Variants in C19orf33 observed in about 807,000 individuals in gnomAD.
C19orf33 encodes the protein chromosome 19 open reading frame 33, also known as immortalization up-regulated protein.
A neutral mutation model predicts 9.7 loss-of-function variants in C19orf33; 9 were observed. The observed-to-expected ratio is 0.93, with a 90% CI of 0.56 to 1.61. C19orf33 has a LOEUF of 1.61. Among genes scored for constraint, C19orf33 ranks in the 40% most tolerant of loss-of-function variants. C19orf33 has a pLI of 0.00. For missense variants in C19orf33, 145 were observed against 137.9 expected (o/e 1.05, Z -0.26); for synonymous variants, 61 against 54.8 (o/e 1.11, Z -0.50).
At position 38,304,738 on chromosome 19, in the gene C19orf33, G is replaced by A. The variant is rs779730721; in HGVS notation, c.201+52G>A. ...AGCACGTGCCCTGCACCCCAGAGAG[G>A]CGTCCCCGCACTGGGGCTGGCGGGG... On this transcript the variant is annotated intron_variant, in intron 3 of 3. Coordinates refer to ENST00000301246, the MANE Select transcript of C19orf33 (RefSeq NM_033520.3). 2.5e-6 allele frequency: 4 copies of A among 1,612,718 alleles called. No individual in the cohort carries two copies. In the Admixed American group the frequency reaches 5.0e-5, roughly 20 times the overall value.
chr19:38,304,639 T>A lies in C19orf33; in HGVS notation c.154T>A (p.Ser52Thr). The A allele has an allele frequency of 1.9e-6, 3 of 1,613,402 alleles. No individual in the cohort carries two copies. The highest frequency in any genetic ancestry group is 2.5e-6 in the Non-Finnish European group (3 of 1,179,934). ...CTCCATCCAGCAAGGACACCACAGC[T>A]CTTCCGACTCCAGCAGCAGCTCCAG... ...GPGPKQGHHS[S>T]SDSSSSSSDS... Residue 52 changes from serine to threonine, a missense_variant, in exon 3 of 4, where the codon TCT becomes ACT. Physicochemically the swap from Ser to Thr is moderately conservative, Grantham distance 58 (BLOSUM62 1). Coordinates refer to ENST00000301246, the MANE Select transcript of C19orf33 (RefSeq NM_033520.3).
rs1568350802 is a variant in C19orf33, at chr19:38,304,940, C to T, written c.297C>T (p.Gly99=). Residue 99 remains glycine (G), a synonymous_variant, in exon 4 of 4, where the codon GGC becomes GGT. Coordinates refer to ENST00000301246, the MANE Select transcript of C19orf33 (RefSeq NM_033520.3). The stretch of plus-strand genomic sequence containing the variant: ...AGGAGAAGGGCAAGAAGGAGAAGGG[C>T]AAGAAGAAGGAGGCTCCCCACTGAA... The part of the protein sequence containing the change: ...KKKEKGKKEK[G]KKKEAPH 1 of 1,610,676 alleles carries T rather than the reference C, an allele frequency of 6.2e-7. No individual in the cohort carries two copies. The highest frequency in any genetic ancestry group is 8.5e-7 in the Non-Finnish European group (1 of 1,178,926).
chr19:38,304,434 C>T lies in C19orf33; in HGVS notation c.82C>T (p.Leu28Phe), dbSNP rs1320654604. ...VGAGHGGDPK[L>F]SPHKVQGRSE... ...GGCGGGCCACGGGGGAGATCCCAAG[C>T]TCAGTCCCCACAAAGTTCAGGGCCG... is the stretch of plus-strand genomic sequence containing the variant. Residue 28 changes from leucine (L) to phenylalanine (F), a missense_variant, in exon 2 of 4, where the codon CTC becomes TTC. Physicochemically the swap from Leu to Phe is conservative, Grantham distance 22. Transcript: ENST00000301246. 6.4e-7 allele frequency: 1 copy of T among 1,560,000 alleles called. No individual in the cohort carries two copies. The highest frequency in any genetic ancestry group is 1.2e-5 in the South Asian group (1 of 85,136).
Position 38,304,294 on chromosome 19 carries a change from G to A in C19orf33, c.22+11G>A. On this transcript the variant is annotated intron_variant, in intron 1 of 3. Coordinates refer to ENST00000301246, the MANE Select transcript of C19orf33 (RefSeq NM_033520.3). ...TCGACCTGGGAGCAGGTGAGCTCCT[G>A]GGGAGTGTGGACTGGAGGTGCAGGG... is the stretch of plus-strand genomic sequence containing the variant. 3 of 1,613,704 alleles carry A rather than the reference G, an allele frequency of 1.9e-6. No homozygotes were observed. The highest frequency in any genetic ancestry group is 2.5e-6 in the Non-Finnish European group (3 of 1,180,020).
intron 1 of C19orf33, 22 bp downstream of exon 1, chr19:38,304,305 A>G (rs749494978): frequency 6.2e-7 from 1 of 1,613,568 alleles, no homozygotes; most frequent in Non-Finnish European, 8.5e-7. Context: ...GGGAGTGTGG[A>G]CTGGAGGTGC....
intron 2 of C19orf33, 21 bp downstream of exon 2, chr19:38,304,511 C>T (rs1968897919): frequency 1.9e-6 from 3 of 1,563,656 alleles, no homozygotes; most frequent in Admixed American, 3.9e-5. Flanking sequence ...TCATCACCGG[C>T]TGCGGAGGGG....
At position 38,304,992 on chromosome 19, in the gene C19orf33, T is replaced by C. The variant is rs1968938966; in HGVS notation, c.*28T>C. The C allele has an allele frequency of 1.3e-6, 2 of 1,573,242 alleles. No homozygotes were observed. The highest frequency in any genetic ancestry group is 1.9e-5 in the Admixed American group (1 of 53,080). On this transcript the variant is annotated 3_prime_UTR_variant, in exon 4 of 4. Transcript: ENST00000301246. The stretch of plus-strand genomic sequence containing the variant: ...GGCCCTGGACAGGGCTCATTAAACC[T>C]TCCTCTCTGCCTTCTGCGACTGGTC...
At chr19:38,304,316 A>C (rs371088164) in intron 1 of C19orf33, 33 bp downstream of exon 1, 25 of 1,613,226 alleles carry the variant, frequency 1.5e-5, no homozygotes, top group Non-Finnish European at 2.1e-5. Flanking sequence ...CTGGAGGTGC[A>C]GGGGGCCGGA....
In C19orf33 at chr19:38,304,920, A is replaced by AAGGGCAAGAAGG. The variant is rs776725232; in HGVS notation, c.280_291dup (p.Gly94_Glu97dup). The AAGGGCAAGAAGG allele has an allele frequency of 2.5e-6, 4 of 1,611,176 alleles. No individual in the cohort carries two copies. Among genetic ancestry groups the AAGGGCAAGAAGG allele is most frequent in the African/African-American group, 1.3e-5 (1 of 74,656 alleles). ...GAAGCCCAAAGTGAAGAAGAAGGAG[A>AAGGGCAAGAAGG]AGGGCAAGAAGGAGAAGGGCAAGAA... On this transcript the variant is annotated inframe_insertion, in exon 4 of 4. Transcript: ENST00000301246.
chr19:38,304,513 G>A, intron 2 of C19orf33, 23 bp downstream of exon 2: 1 of 1,562,610 alleles, frequency 6.4e-7, no homozygotes, highest in Non-Finnish European at 8.7e-7. Context: ...ATCACCGGCT[G>A]CGGAGGGGCG....
In C19orf33 at chr19:38,304,272, A is replaced by T; in HGVS notation, c.11A>T (p.Asp4Val). 2.5e-6 allele frequency: 4 copies of T among 1,613,718 alleles called. No homozygotes were observed. The highest frequency in any genetic ancestry group is 3.4e-6 in the Non-Finnish European group (4 of 1,180,024). MEF[D>V]LGAALEPTSQ... ...ACTTCTCTTACCGCCATGGAGTTCG[A>T]CCTGGGAGCAGGTGAGCTCCTGGGG... The change falls in exon 1 of 4, where the codon GAC (aspartate) becomes GTC (valine). Residue 4 changes from aspartate (D) to valine (V), a missense_variant. Transcript: ENST00000301246.
rs1424258888 is a variant in C19orf33, at chr19:38,304,411, C to T, written c.59C>T (p.Ala20Val). The stretch of plus-strand genomic sequence containing the variant: ...ACCTCCCAGAAGCCCGGTGTGGGGG[C>T]GGGCCACGGGGGAGATCCCAAGCTC... ...EPTSQKPGVG[A>V]GHGGDPKLSP... The change falls in exon 2 of 4, where the codon GCG becomes GTG. Residue 20 changes from alanine (A) to valine (V), a missense_variant. Transcript: ENST00000301246. 1.9e-6 allele frequency: 3 copies of T among 1,565,732 alleles called. No homozygotes were observed. The highest frequency in any genetic ancestry group is 1.9e-5 in the Admixed American group (1 of 51,842).
chr19:38,304,595 C>G, intron 2 of C19orf33, 29 bp from the exon 3 acceptor site: 2 of 1,612,604 alleles, frequency 1.2e-6, no homozygotes, highest in Non-Finnish European at 1.7e-6. Context: ...GGGTAAGGGG[C>G]GCCGCCTCAC....
At chr19:38,304,813 CTT>C (rs1968920042) in intron 3 of C19orf33, 30 bp from the exon 4 acceptor site, 1 of 1,613,654 alleles carries the variant, frequency 6.2e-7, no homozygotes, top group Non-Finnish European at 8.5e-7. Context: ...AGAACCATCT[CTT>C]CTCTCCCATC....
rs771915401 is a variant in C19orf33, at chr19:38,304,317, G to T, written c.22+34G>T. The T allele has an allele frequency of 5.0e-6, 8 of 1,613,324 alleles. No homozygotes were observed. In the South Asian group the frequency reaches 6.6e-5, roughly 13 times the overall value. ...CTGGGGAGTGTGGACTGGAGGTGCA[G>T]GGGGCCGGACTCAAGCCCAGAAGCT... is the stretch of plus-strand genomic sequence containing the variant. On this transcript the variant is annotated intron_variant, in intron 1 of 3. Coordinates refer to ENST00000301246, the MANE Select transcript of C19orf33 (RefSeq NM_033520.3).
rs767655908 is a variant in C19orf33, at chr19:38,304,840, C to G, written c.202-5C>G. ...TCTCTCCCATCCCTGCCCTCGGCCC[C>G]ACAGTCCCACGCTGCTGGCTCCAAG... On this transcript the variant is annotated splice_region_variant and splice_polypyrimidine_tract_variant and intron_variant, in intron 3 of 3. Coordinates refer to ENST00000301246, the MANE Select transcript of C19orf33 (RefSeq NM_033520.3). 30 of 1,613,596 alleles carry G rather than the reference C, an allele frequency of 1.9e-5. No homozygotes were observed. Among genetic ancestry groups the G allele is most frequent in the Non-Finnish European group, 2.4e-5 (28 of 1,179,978 alleles).
chr19:38,304,372 C>A lies in C19orf33; in HGVS notation c.23-3C>A. 2 of 1,592,050 alleles carry A rather than the reference C, an allele frequency of 1.3e-6. No individual in the cohort carries two copies. Among genetic ancestry groups the A allele is most frequent in the Non-Finnish European group, 1.7e-6 (2 of 1,170,346 alleles). Reference sequence around the variant, plus strand: ...GCACCAACCACCCAACTTCTCTCCACAGCCCTGGAGCCCACCTCCCAGAAG... The same window carrying A: ...GCACCAACCACCCAACTTCTCTCCAAAGCCCTGGAGCCCACCTCCCAGAAG... On this transcript the variant is annotated splice_region_variant and splice_polypyrimidine_tract_variant and intron_variant, in intron 1 of 3. Coordinates refer to ENST00000301246, the MANE Select transcript of C19orf33 (RefSeq NM_033520.3).
chr19:38,304,267 G>T lies in C19orf33; in HGVS notation c.6G>T (p.Glu2Asp), dbSNP rs1336836322. 3.1e-6 allele frequency: 5 copies of T among 1,613,666 alleles called. No homozygotes were observed. Among genetic ancestry groups the T allele is most frequent in the Non-Finnish European group, 8.5e-7 (1 of 1,180,044 alleles). The change falls in exon 1 of 4, where the codon GAG (glutamate) becomes GAT (aspartate). Residue 2 changes from glutamate to aspartate, a missense_variant. Transcript: ENST00000301246. M[E>D]FDLGAALEPT... ...ACCCAACTTCTCTTACCGCCATGGAGTTCGACCTGGGAGCAGGTGAGCTCC... is the reference window on the plus strand; with the variant it reads ...ACCCAACTTCTCTTACCGCCATGGATTTCGACCTGGGAGCAGGTGAGCTCC...
chr19:38,304,323 C>T, intron 1 of C19orf33, 40 bp downstream of exon 1: 15 of 1,613,004 alleles, frequency 9.3e-6, no homozygotes, highest in Non-Finnish European at 1.3e-5. Context: ...TGCAGGGGGC[C>T]GGACTCAAGC....
Sources: allele counts gnomAD v4.1 joint callset, GRCh38; gene constraint gnomAD v4.1.1; transcripts MANE v1.5; gene names NCBI Gene and HGNC (gene_info 2026-07-23, HGNC 2026-07-21).